The following JAKMIP1 variants were observed in gnomAD, a reference collection of about 807,000 sequenced individuals.
JAKMIP1 encodes janus kinase and microtubule-interacting protein 1.
Under a neutral mutation model 113.0 loss-of-function variants are expected in JAKMIP1, and 33 were observed. The observed-to-expected ratio is 0.29, with a 90% confidence interval of 0.22 to 0.39. The LOEUF (loss-of-function observed/expected upper bound fraction) is 0.39. JAKMIP1 is among the 10% of genes least tolerant of loss of function. JAKMIP1 has a pLI of 1.00. For synonymous variants in JAKMIP1, 480 were observed against 459.9 expected (o/e 1.04, Z -0.56); for missense variants, 813 against 1,080.5 (o/e 0.75, Z 3.47).
In JAKMIP1 at chr4:6,178,320, T is replaced by C. The variant is rs935355616; in HGVS notation, c.-148+21933A>G. ...GTCCCCACCCAAATCTCCTCTTGAA[T>C]TGTAGTTCCCATAATCCCCATGTGT... On this transcript the variant is annotated intron_variant, in intron 1 of 20. Coordinates refer to ENST00000409021, the MANE Select transcript of JAKMIP1 (RefSeq NM_001099433.2). The surrounding 1 kb of genome is among the most constrained non-coding windows in gnomAD (Gnocchi z 5.5). Among the ~76,000 whole-genome samples the C allele has an allele frequency of 2.0e-5, 3 of 152,208 alleles. No homozygotes were observed. The highest frequency in any genetic ancestry group is 4.8e-5 in the African/African-American group (2 of 41,460).
intron 18 of JAKMIP1, among the ~76,000 whole-genome samples, chr4:6,039,564 C>G (rs759486775): frequency 2.0e-5 from 3 of 152,158 alleles, no homozygotes; most frequent in African/African-American, 7.2e-5. Flanking sequence ...GACCAAAACA[C>G]GAATGGAGAA....
chr4:6,038,765 T>A (rs1226745481), intron 18 of JAKMIP1, among the ~76,000 whole-genome samples: 1 of 152,218 alleles, frequency 6.6e-6, no homozygotes, highest in Non-Finnish European at 1.5e-5. Flanking sequence ...GGGCTCCACA[T>A]GGAGCAGAGC....
intron 1 of JAKMIP1, among the ~76,000 whole-genome samples, chr4:6,132,913 C>T (rs1313836332): frequency 6.6e-6 from 1 of 152,088 alleles, no homozygotes; most frequent in African/African-American, 2.4e-5. Flanking sequence ...CAGCCAACTT[C>T]TACACATTCA....
At chr4:6,107,365 A>G (rs1035253938) in intron 2 of JAKMIP1, among the ~76,000 whole-genome samples, 52 of 152,110 alleles carry the variant, frequency 3.4e-4, no homozygotes, top group African/African-American at 1.0e-3. Flanking sequence ...CCCCAGGCAA[A>G]TTTCTCTGCC....
intron 1 of JAKMIP1, among the ~76,000 whole-genome samples, chr4:6,151,160 C>T (rs762061907): frequency 6.6e-6 from 1 of 152,206 alleles, no homozygotes; most frequent in South Asian, 2.1e-4. Context: ...ACGGCCATAG[C>T]ACCCTACATG....
At position 6,153,079 on chromosome 4, in the gene JAKMIP1, T is replaced by C. The variant is rs927542242; in HGVS notation, c.-147-40082A>G. Among the ~76,000 whole-genome samples, 7 of 152,082 alleles carry C rather than the reference T, an allele frequency of 4.6e-5. No homozygotes were observed. Among genetic ancestry groups the C allele is most frequent in the Non-Finnish European group, 1.0e-4 (7 of 68,006 alleles). On this transcript the variant is annotated intron_variant, in intron 1 of 20. Transcript: ENST00000409021. The surrounding 1 kb of genome is among the most constrained non-coding windows in gnomAD (Gnocchi z 4.9). ...GTTTTTCTGTGACCAGCCCCACCCA[T>C]GCACATCCCCCTCCCCTACCTGCCT... is the stretch of plus-strand genomic sequence containing the variant.
At chr4:6,098,670 G>GAAAGAAAGAA (rs1553831987) in intron 3 of JAKMIP1, among the ~76,000 whole-genome samples, 1 of 100,406 alleles carries the variant, frequency 1.0e-5, no homozygotes, top group Non-Finnish European at 1.8e-5. Context: ...AAGAAAGAGA[G>GAAAGAAAGAA]AGAAAGAAAG....
Position 6,112,746 on chromosome 4 carries a change from G to A in JAKMIP1, c.105C>T (p.Ile35=), listed in dbSNP as rs142464221. The change falls in exon 2 of 21, where the codon ATC becomes ATT. Residue 35 remains isoleucine (I), a synonymous_variant. Coordinates refer to ENST00000409021, the MANE Select transcript of JAKMIP1 (RefSeq NM_001099433.2). ...ELRAKLTSIQ[I]EFQQEKSKVG... ...CCTTGCTTTTTTCCTGCTGGAACTC[G>A]ATCTGAATGCTGGTCAGCTTGGCCC... 1.4e-5 allele frequency: 22 copies of A among 1,613,902 alleles called. 1 individual carries two copies. The Admixed American group carries it at 2.7e-4, about 20-fold the overall frequency.
chr4:6,147,037 C>A (rs1286409486), intron 1 of JAKMIP1, among the ~76,000 whole-genome samples: 2 of 152,176 alleles, frequency 1.3e-5, no homozygotes, highest in African/African-American at 2.4e-5. Flanking sequence ...CGGCTCACTG[C>A]AACCTCTGCC....
At chr4:6,046,938 C>T (rs1345556168) in intron 16 of JAKMIP1, among the ~76,000 whole-genome samples, 2 of 152,220 alleles carry the variant, frequency 1.3e-5, no homozygotes, top group Non-Finnish European at 2.9e-5. Context: ...AACCAGCCAC[C>T]CTGAGTCACC....
At chr4:6,161,011 C>CACCTCCACTCACCTCCCTG (rs1197597548) in intron 1 of JAKMIP1, among the ~76,000 whole-genome samples, 1 of 140,408 alleles carries the variant, frequency 7.1e-6, no homozygotes, top group Non-Finnish European at 1.5e-5. Flanking sequence ...CATCTGCCCT[C>CACCTCCACTCACCTCCCTG]ACCTCCACTC....
At position 6,051,554 on chromosome 4, in the gene JAKMIP1, T is replaced by C. The variant is rs1715667146; in HGVS notation, c.1807-875A>G. Among the ~76,000 whole-genome samples the C allele has an allele frequency of 6.6e-6, 1 of 152,258 alleles. No homozygotes were observed. Among genetic ancestry groups the C allele is most frequent in the African/African-American group, 2.4e-5 (1 of 41,468 alleles). The stretch of plus-strand genomic sequence containing the variant: ...CTCGCCCGGCCCCAAAGGCTGACTT[T>C]CTGTTCTTTCCAATACAATCTGCCA... On this transcript the variant is annotated intron_variant, in intron 13 of 20. Coordinates refer to ENST00000409021, the MANE Select transcript of JAKMIP1 (RefSeq NM_001099433.2). The surrounding 1 kb of genome is among the most constrained non-coding windows in gnomAD (Gnocchi z 5.0).
chr4:6,034,508 T>C (rs1353705228), intron 19 of JAKMIP1, among the ~76,000 whole-genome samples: 1 of 152,152 alleles, frequency 6.6e-6, no homozygotes, highest in African/African-American at 2.4e-5. Context: ...TTTGGTCAAA[T>C]ATTCTAGATG....
intron 1 of JAKMIP1, among the ~76,000 whole-genome samples, chr4:6,175,111 C>A (rs1395948383): frequency 6.6e-6 from 1 of 152,158 alleles, no homozygotes. Context: ...CCACAAGTCC[C>A]CCCAAACTCC....
chr4:6,116,233 C>T lies in JAKMIP1; in HGVS notation c.-147-3236G>A, dbSNP rs1207828342. 6.6e-6 allele frequency among the ~76,000 whole-genome samples: 1 copy of T among 152,156 alleles called. No homozygotes were observed. Among genetic ancestry groups the T allele is most frequent in the African/African-American group, 2.4e-5 (1 of 41,440 alleles). On this transcript the variant is annotated intron_variant, in intron 1 of 20. Transcript: ENST00000409021. The surrounding 1 kb of genome is among the most constrained non-coding windows in gnomAD (Gnocchi z 5.1). ...ACGCTCACAGCACCACACAGCATCA[C>T]TGTAATCAGCCCCTCTGGCTGCGGG...
intron 1 of JAKMIP1, among the ~76,000 whole-genome samples, chr4:6,133,136 C>CA (rs1560245946): frequency 6.6e-6 from 1 of 151,786 alleles, no homozygotes; most frequent in Admixed American, 6.6e-5. Flanking sequence ...AACAGAACAC[C>CA]AAAAAAACCT....
intron 3 of JAKMIP1, among the ~76,000 whole-genome samples, chr4:6,100,819 C>T (rs1226439713): frequency 1.3e-5 from 2 of 152,134 alleles, no homozygotes; most frequent in Non-Finnish European, 2.9e-5. Context: ...CCCTGATGAT[C>T]AATGAGGTAG....
At chr4:6,087,847 G>A in intron 3 of JAKMIP1, among the ~76,000 whole-genome samples, 1 of 152,170 alleles carries the variant, frequency 6.6e-6, no homozygotes, top group East Asian at 1.9e-4. Flanking sequence ...GCTCCATGCA[G>A]TTTCTCCTAA....
chr4:6,078,703 G>A (rs1473213682), intron 8 of JAKMIP1, among the ~76,000 whole-genome samples: 1 of 152,074 alleles, frequency 6.6e-6, no homozygotes, highest in Non-Finnish European at 1.5e-5. Flanking sequence ...AAGCCTAAGT[G>A]GAGAATACAT....
Sources: gnomAD v4.1 joint callset for allele counts (sites outside exome capture counted in the v4.1 genomes callset) on GRCh38, gnomAD v4.1.1 for gene constraint, Gnocchi (gnomAD v3.1) non-coding constraint, MANE v1.5 for transcripts, NCBI Gene and HGNC (gene_info 2026-07-23, HGNC 2026-07-21) for gene names.